Variants in UNC80 observed in about 807,000 individuals in gnomAD.
UNC80 encodes the protein protein unc-80 homolog.
Under a neutral mutation model 384.6 loss-of-function variants are expected in UNC80, and 164 were observed. That is an observed-to-expected ratio of 0.43 (90% confidence interval 0.38 to 0.49). UNC80 has a LOEUF of 0.49. Among genes scored for constraint, UNC80 ranks in the 20% least tolerant of loss-of-function variants. The pLI is 0.00. For synonymous variants in UNC80, 1,486 were observed against 1,527.8 expected (o/e 0.97, Z 0.64); for missense variants, 3,330 against 4,143.0 (o/e 0.80, Z 5.39).
At chr2:209,955,692 A>T (rs1331126332) in intron 48 of UNC80, among the ~76,000 whole-genome samples, 3 of 51,610 alleles carry the variant, frequency 5.8e-5, no homozygotes, top group Admixed American at 3.1e-4. Context: ...CTGTATTTCT[A>T]ATATATATAT....
chr2:209,840,858 CA>C (rs2081687085), intron 20 of UNC80, among the ~76,000 whole-genome samples: 1 of 152,046 alleles, frequency 6.6e-6, no homozygotes, highest in South Asian at 2.1e-4. Flanking sequence ...AAAGTGTGGT[CA>C]AAAAATTATA....
At chr2:209,896,494 T>G (rs1001893819) in intron 28 of UNC80, 81 bp downstream of exon 28, 4 of 1,162,530 alleles carry the variant, frequency 3.4e-6, no homozygotes, top group Non-Finnish European at 5.0e-6. Context: ...GACAAGAGAT[T>G]ATACTAAATC....
At chr2:209,988,762 T>C (rs910404695) in intron 61 of UNC80, among the ~76,000 whole-genome samples, 68 of 152,252 alleles carry the variant, frequency 4.5e-4, no homozygotes, top group Admixed American at 4.4e-3. Context: ...ATGCTTTTGG[T>C]TTTTGTAGAT....
chr2:209,829,192 T>C, intron 14 of UNC80, 40 bp from the exon 15 acceptor site: 5 of 1,549,216 alleles, frequency 3.2e-6, no homozygotes, highest in Non-Finnish European at 4.4e-6. Context: ...TAGCTTAAGC[T>C]GGTACTTGTG....
chr2:209,986,262 G>C (rs1381346601), intron 61 of UNC80, among the ~76,000 whole-genome samples: 1 of 152,180 alleles, frequency 6.6e-6, no homozygotes, highest in African/African-American at 2.4e-5. Context: ...AATTTCAGTG[G>C]CCTACTGAGA....
At position 209,996,847 on chromosome 2, in the gene UNC80, T is replaced by C. The variant is rs1195833365; in HGVS notation, c.*1252T>C. The C allele has an allele frequency of 6.6e-6, 1 of 152,248 alleles. No homozygotes were observed. The highest frequency in any genetic ancestry group is 1.5e-5 in the Non-Finnish European group (1 of 67,998). 9.4% of individuals were successfully genotyped at this position (152,248 alleles called of 1,614,324 possible). A position where few individuals can be genotyped will look rare whatever the true frequency, so the allele number is the denominator to read the frequency against. On this transcript the variant is annotated 3_prime_UTR_variant, in exon 65 of 65. Coordinates refer to ENST00000673920, the MANE Select transcript of UNC80 (RefSeq NM_001371986.1). The stretch of plus-strand genomic sequence containing the variant: ...AACTGTTACCTAACAACCAAGCATA[T>C]ACAAACTCATATACATACTTAAATT...
chr2:209,775,641 G>A (rs772106039), intron 2 of UNC80, among the ~76,000 whole-genome samples: 1 of 152,102 alleles, frequency 6.6e-6, no homozygotes, highest in Non-Finnish European at 1.5e-5. Flanking sequence ...GTTAATTCAA[G>A]CCATTTACTT....
At chr2:209,822,574 T>C (rs1559147895) in intron 13 of UNC80, among the ~76,000 whole-genome samples, 1 of 152,190 alleles carries the variant, frequency 6.6e-6, no homozygotes, top group South Asian at 2.1e-4. Flanking sequence ...AAAGAGAATA[T>C]TATGAAATAT....
intron 22 of UNC80, among the ~76,000 whole-genome samples, chr2:209,857,584 T>G (rs2083028421): frequency 6.6e-6 from 1 of 152,116 alleles, no homozygotes; most frequent in East Asian, 1.9e-4. Context: ...TTGCTCTTAT[T>G]TTTATTATTT....
intron 4 of UNC80, among the ~76,000 whole-genome samples, chr2:209,779,591 C>T (rs561470112): frequency 2.6e-5 from 4 of 152,292 alleles, no homozygotes; most frequent in African/African-American, 9.6e-5. Context: ...AGGGAGTCTG[C>T]CTGTCCTGGT....
At chr2:209,853,131 G>A (rs2082651523) in intron 22 of UNC80, among the ~76,000 whole-genome samples, 1 of 151,986 alleles carries the variant, frequency 6.6e-6, no homozygotes, top group Non-Finnish European at 1.5e-5. Flanking sequence ...AGAATTTGGA[G>A]GAGGAGGGGA....
intron 24 of UNC80, 100 bp from the exon 25 acceptor site, chr2:209,880,861 C>T (rs2085226982): frequency 8.8e-7 from 1 of 1,141,068 alleles, no homozygotes; most frequent in Non-Finnish European, 1.2e-6. Flanking sequence ...TTCTCATATG[C>T]AATTTGATTC....
intron 5 of UNC80, among the ~76,000 whole-genome samples, chr2:209,786,649 T>C (rs1398518744): frequency 6.6e-6 from 1 of 152,176 alleles, no homozygotes; most frequent in Non-Finnish European, 1.5e-5. Flanking sequence ...TCAGGAATTA[T>C]CTAATGAAAT....
At chr2:209,987,571 G>A (rs997214329) in intron 61 of UNC80, among the ~76,000 whole-genome samples, 1 of 152,120 alleles carries the variant, frequency 6.6e-6, no homozygotes, top group Admixed American at 6.6e-5. Flanking sequence ...GACATACAGA[G>A]GCTATTCAAG....
chr2:209,823,682 CTAT>C (rs926220872), intron 13 of UNC80, among the ~76,000 whole-genome samples: 7 of 151,450 alleles, frequency 4.6e-5, no homozygotes, highest in African/African-American at 1.5e-4. Flanking sequence ...ATTATTTTTG[CTAT>C]TATTAATAAT....
At chr2:209,861,084 GT>G (rs1272204920) in intron 22 of UNC80, among the ~76,000 whole-genome samples, 1 of 152,194 alleles carries the variant, frequency 6.6e-6, no homozygotes, top group Non-Finnish European at 1.5e-5. Context: ...CCAATACTAT[GT>G]TGACTAGGAG....
chr2:209,810,194 G>A (rs2079234361), intron 7 of UNC80, among the ~76,000 whole-genome samples: 1 of 152,132 alleles, frequency 6.6e-6, no homozygotes, highest in South Asian at 2.1e-4. Context: ...TGTCTCAAGA[G>A]GGACTGTAAG....
intron 45 of UNC80, among the ~76,000 whole-genome samples, chr2:209,944,495 T>C (rs1338330157): frequency 6.6e-6 from 1 of 152,160 alleles, no homozygotes; most frequent in Non-Finnish European, 1.5e-5. Flanking sequence ...TTATTTGCAT[T>C]TTGTTTTTGG....
chr2:209,959,579 G>A lies in UNC80; in HGVS notation c.7677G>A (p.Arg2559=), dbSNP rs758642574. The change falls in exon 51 of 65, where the codon CGG becomes CGA. Residue 2559 remains arginine, a synonymous_variant. Transcript: ENST00000673920. ...RIAREEFRRP[R]ESLLNICTEF... ...CTCGGGAAGAGTTCAGAAGACCCCGGGAGTCCTTACTGAATATTTGCACTG... is the reference window on the plus strand; with the variant it reads ...CTCGGGAAGAGTTCAGAAGACCCCGAGAGTCCTTACTGAATATTTGCACTG... 6.4e-7 allele frequency: 1 copy of A among 1,551,708 alleles called. No homozygotes were observed.
Sources: gnomAD v4.1 joint callset for allele counts (sites outside exome capture counted in the v4.1 genomes callset) on GRCh38, gnomAD v4.1.1 for gene constraint, MANE v1.5 for transcripts, NCBI Gene and HGNC (gene_info 2026-07-23, HGNC 2026-07-21) for gene names.